The following EDDM3A variants were observed in gnomAD, a reference collection of about 807,000 sequenced individuals.
The protein encoded by EDDM3A is epididymal secretory protein E3-alpha.
For missense variants in EDDM3A, 199 were observed against 177.4 expected (o/e 1.12, Z -0.69); for synonymous variants, 75 against 60.4 (o/e 1.24, Z -1.12).
chr14:20,741,946 C>T (rs757195458), upstream of EDDM3A, among the ~76,000 whole-genome samples: 2 of 152,218 alleles, frequency 1.3e-5, no homozygotes, highest in Non-Finnish European at 2.9e-5. Flanking sequence ...CCTAAAAGAA[C>T]CATTCCTGCA....
chr14:20,738,556 A>G, the EDDM3A span, among the ~76,000 whole-genome samples: 31 of 152,286 alleles, frequency 2.0e-4, no homozygotes, highest in East Asian at 4.8e-3. Context: ...GAAAAATACT[A>G]ATTATTTTTC....
chr14:20,738,112 A>G, the EDDM3A span, among the ~76,000 whole-genome samples: 24 of 152,290 alleles, frequency 1.6e-4, no homozygotes, highest in East Asian at 4.4e-3. Context: ...TTTTGAGTGC[A>G]CCTGGGGAGG....
At chr14:20,747,469 C>T (rs1340286139) in intron 1 of EDDM3A, 86 bp from the exon 2 acceptor site, 4 of 784,424 alleles carry the variant, frequency 5.1e-6, no homozygotes, top group South Asian at 1.8e-5. Flanking sequence ...TGCCCAAGTA[C>T]CTGCTTGGCA....
the EDDM3A span, among the ~76,000 whole-genome samples, chr14:20,737,053 C>CCTTTCTT: frequency 7.5e-6 from 1 of 132,504 alleles, no homozygotes; most frequent in Non-Finnish European, 1.6e-5. Flanking sequence ...TTTTCTTTTT[C>CCTTTCTT]CTTTTTTTTT....
chr14:20,741,208 A>G (rs142682573), upstream of EDDM3A, among the ~76,000 whole-genome samples: 1 of 152,314 alleles, frequency 6.6e-6, no homozygotes, highest in East Asian at 1.9e-4. Context: ...GCCCAATGAA[A>G]GCCCTTCAAG....
At chr14:20,737,337 C>G in the EDDM3A span, among the ~76,000 whole-genome samples, 1 of 152,110 alleles carries the variant, frequency 6.6e-6, no homozygotes, top group Non-Finnish European at 1.5e-5. Context: ...CCTGGGGTTA[C>G]AGGTGTGAGC....
rs974805100 is a variant in EDDM3A, at chr14:20,748,302, T to C, written c.*278T>C. ...TCTGTCCTCGACTAACCTAAGACTT[T>C]CCTGATATTGACTCTCTTTATACCT... On this transcript the variant is annotated 3_prime_UTR_variant, in exon 2 of 2. Coordinates refer to ENST00000326842, the MANE Select transcript of EDDM3A (RefSeq NM_006683.5). The C allele has an allele frequency of 3.2e-6, 1 of 309,198 alleles. No individual in the cohort carries two copies. The highest frequency in any genetic ancestry group is 2.2e-5 in the African/African-American group (1 of 46,072). The allele number at this position is 309,198 out of a possible 1,614,324, so 19.2% of individuals were successfully genotyped here.
upstream of EDDM3A, among the ~76,000 whole-genome samples, chr14:20,743,120 G>A (rs549416669): frequency 6.6e-6 from 1 of 152,300 alleles, no homozygotes; most frequent in South Asian, 2.1e-4. Context: ...TCCATCCATG[G>A]AGCCCTTGGA....
chr14:20,736,685 C>G, the EDDM3A span, among the ~76,000 whole-genome samples: 4 of 152,132 alleles, frequency 2.6e-5, no homozygotes, highest in Admixed American at 2.6e-4. Context: ...GTCCCTGACT[C>G]TGGAGATGGG....
At chr14:20,737,495 T>C in the EDDM3A span, among the ~76,000 whole-genome samples, 1 of 152,106 alleles carries the variant, frequency 6.6e-6, no homozygotes, top group Non-Finnish European at 1.5e-5. Context: ...ACCTCCTCTA[T>C]CAACCATACA....
chr14:20,745,279 C>A (rs1877549432), upstream of EDDM3A, among the ~76,000 whole-genome samples: 1 of 149,414 alleles, frequency 6.7e-6, no homozygotes, highest in Admixed American at 6.7e-5. Flanking sequence ...GTAATCCCAG[C>A]ACTTTGGGAG....
chr14:20,745,043 G>A (rs972347043), upstream of EDDM3A, among the ~76,000 whole-genome samples: 5 of 152,108 alleles, frequency 3.3e-5, no homozygotes, highest in African/African-American at 1.2e-4. Flanking sequence ...CCAACATGGT[G>A]AAACCCTGTC....
chr14:20,743,127 TGGAAGTCCGTGGATCACA>T (rs1207445856), upstream of EDDM3A, among the ~76,000 whole-genome samples: 2 of 152,224 alleles, frequency 1.3e-5, no homozygotes, highest in Non-Finnish European at 2.9e-5. Flanking sequence ...ATGGAGCCCT[TGGAAGTCCGTGGATCACA>T]GATTAAGACA....
the EDDM3A span, among the ~76,000 whole-genome samples, chr14:20,736,745 C>T: frequency 6.6e-6 from 1 of 152,170 alleles, no homozygotes. Context: ...GAGTCTCACT[C>T]TGTCACCCAG....
chr14:20,737,138 C>A, the EDDM3A span, among the ~76,000 whole-genome samples: 1 of 150,426 alleles, frequency 6.6e-6, no homozygotes. Context: ...ACTGTAACCT[C>A]TGCCTCCTGG....
the EDDM3A span, among the ~76,000 whole-genome samples, chr14:20,736,566 A>T: frequency 6.6e-6 from 1 of 152,202 alleles, no homozygotes; most frequent in East Asian, 1.9e-4. Context: ...TTCCTGGCTT[A>T]TGGTAGTTGC....
chr14:20,736,495 T>A, the EDDM3A span, among the ~76,000 whole-genome samples: 1 of 150,728 alleles, frequency 6.6e-6, no homozygotes, highest in African/African-American at 2.4e-5. Context: ...GTAACATGCT[T>A]AGTTCCACTC....
chr14:20,736,561 G>A, the EDDM3A span, among the ~76,000 whole-genome samples: 118 of 152,190 alleles, frequency 7.8e-4, no homozygotes, highest in Admixed American at 1.8e-3. Flanking sequence ...CATGATTCCT[G>A]GCTTATGGTA....
At chr14:20,740,692 C>T in the EDDM3A span, among the ~76,000 whole-genome samples, 1 of 152,122 alleles carries the variant, frequency 6.6e-6, no homozygotes, top group South Asian at 2.1e-4. Flanking sequence ...TGTTTTTAAA[C>T]AGAATCTCGC....
Sources: allele counts gnomAD v4.1 joint callset (sites outside exome capture counted in the v4.1 genomes callset), GRCh38; gene constraint gnomAD v4.1.1; transcripts MANE v1.5; gene names NCBI Gene and HGNC (gene_info 2026-07-23, HGNC 2026-07-21).